The following CNTN1 variants were observed in gnomAD, a reference collection of about 807,000 sequenced individuals.
The protein encoded by CNTN1 is contactin-1.
CNTN1 carries 38 observed loss-of-function variants against 126.4 expected under a neutral mutation model. That is an observed-to-expected ratio of 0.30 (90% confidence interval 0.23 to 0.39). CNTN1 has a LOEUF of 0.39. Ranked by LOEUF, CNTN1 falls within the 10% of genes least tolerant of loss-of-function variation. CNTN1 has a pLI of 1.00. For missense variants in CNTN1, 1,009 were observed against 1,248.4 expected (o/e 0.81, Z 2.89); for synonymous variants, 413 against 422.6 (o/e 0.98, Z 0.28).
At chr12:40,894,988 A>C (rs1944358029) in intron 1 of CNTN1, among the ~76,000 whole-genome samples, 1 of 152,188 alleles carries the variant, frequency 6.6e-6, no homozygotes, top group East Asian at 1.9e-4. Context: ...TTCTTTAATA[A>C]ATTTCCATAT....
chr12:40,867,546 A>G (rs148783938), intron 1 of CNTN1, among the ~76,000 whole-genome samples: 80 of 152,342 alleles, frequency 5.3e-4, no homozygotes, highest in African/African-American at 1.9e-3. Flanking sequence ...TATATTAATT[A>G]GCTCAGTTGA....
At chr12:40,882,221 T>A (rs1032446898) in intron 1 of CNTN1, among the ~76,000 whole-genome samples, 2 of 151,776 alleles carry the variant, frequency 1.3e-5, no homozygotes, top group Non-Finnish European at 3.0e-5. Context: ...GGTAGGCATA[T>A]GGAATGATAT....
chr12:41,029,110 T>A lies in CNTN1; in HGVS notation c.2871T>A (p.Thr957=), dbSNP rs1479459280. 6.2e-7 allele frequency: 1 copy of A among 1,614,052 alleles called. No individual in the cohort carries two copies. Among genetic ancestry groups the A allele is most frequent in the Admixed American group, 1.7e-5 (1 of 60,000 alleles). Residue 957 remains threonine, a synonymous_variant, in exon 23 of 24, where the codon ACT becomes ACA. Transcript: ENST00000551295. The part of the protein sequence containing the change: ...DGQHDGKLYS[T]HKHSIEVPIP... ...AGCATGATGGCAAGCTGTATTCAACTCACAAACACTCCATAGAAGTCCCAA... is the reference window on the plus strand; with the variant it reads ...AGCATGATGGCAAGCTGTATTCAACACACAAACACTCCATAGAAGTCCCAA...
At chr12:41,041,894 GT>G (rs1166498812) in intron 23 of CNTN1, among the ~76,000 whole-genome samples, 3 of 151,978 alleles carry the variant, frequency 2.0e-5, no homozygotes, top group African/African-American at 7.3e-5. Context: ...TTTTTGAAGG[GT>G]TTTTTCTGTC....
chr12:41,058,076 A>G (rs1949864282), intron 23 of CNTN1, among the ~76,000 whole-genome samples: 2 of 152,094 alleles, frequency 1.3e-5, no homozygotes, highest in African/African-American at 4.8e-5. Context: ...AGAGGGAGAG[A>G]GAAGTGGTCC....
chr12:40,924,682 A>G (rs1299240594), intron 6 of CNTN1, 30 bp downstream of exon 6: 5 of 1,197,764 alleles, frequency 4.2e-6, no homozygotes, highest in Non-Finnish European at 6.2e-6. Flanking sequence ...GACTATTAGC[A>G]TCTATGAAAC....
At chr12:40,694,682 G>A (rs1267876125) in intron 1 of CNTN1, among the ~76,000 whole-genome samples, 1 of 152,148 alleles carries the variant, frequency 6.6e-6, no homozygotes, top group Non-Finnish European at 1.5e-5. Context: ...AACTTGCCAA[G>A]TCATTTTGAA....
At chr12:40,746,186 G>T (rs1312296459) in intron 1 of CNTN1, among the ~76,000 whole-genome samples, 1 of 152,032 alleles carries the variant, frequency 6.6e-6, no homozygotes, top group Non-Finnish European at 1.5e-5. Flanking sequence ...TTTTAAAAAA[G>T]ACCAAATATT....
At chr12:41,013,729 C>G (rs1266656320) in intron 17 of CNTN1, among the ~76,000 whole-genome samples, 4 of 152,206 alleles carry the variant, frequency 2.6e-5, no homozygotes, top group Admixed American at 1.3e-4. Flanking sequence ...TTTGGAGTCA[C>G]TGACGGCGCA....
chr12:40,880,504 T>C (rs950166271), intron 1 of CNTN1, among the ~76,000 whole-genome samples: 1 of 152,024 alleles, frequency 6.6e-6, no homozygotes, highest in Non-Finnish European at 1.5e-5. Flanking sequence ...TTAAATGATA[T>C]AGAAGTGAGA....
intron 12 of CNTN1, among the ~76,000 whole-genome samples, chr12:40,939,723 G>T (rs1055428677): frequency 6.6e-6 from 1 of 151,954 alleles, no homozygotes; most frequent in Non-Finnish European, 1.5e-5. Context: ...GAAGCTCAGA[G>T]GTGTTTTTTT....
At chr12:40,790,479 G>A (rs936470956) in intron 1 of CNTN1, among the ~76,000 whole-genome samples, 20 of 152,066 alleles carry the variant, frequency 1.3e-4, no homozygotes, top group African/African-American at 3.4e-4. Flanking sequence ...ATAGGCACTA[G>A]GAATTTTCTC....
chr12:40,952,624 G>C (rs77954103), intron 14 of CNTN1, among the ~76,000 whole-genome samples: 2,244 of 152,086 alleles, frequency 0.015, 63 homozygotes, highest in African/African-American at 0.052. Context: ...GCTAAAAATA[G>C]TACGTATCTC....
intron 1 of CNTN1, among the ~76,000 whole-genome samples, chr12:40,878,601 G>A (rs1943760308): frequency 6.6e-6 from 1 of 152,204 alleles, no homozygotes. Flanking sequence ...GAATGGGTGT[G>A]ATAGTCCATT....
In CNTN1 at chr12:41,020,521, A is replaced by G. The variant is rs1360344682; in HGVS notation, c.2523+81A>G. The G allele has an allele frequency of 6.9e-6, 6 of 871,144 alleles. No individual in the cohort carries two copies. The Admixed American group carries it at 1.2e-4, about 18-fold the overall frequency. 54.0% of individuals were successfully genotyped at this position (871,144 alleles called of 1,614,324 possible). A position where few individuals can be genotyped will look rare whatever the true frequency, so the allele number is the denominator to read the frequency against. The stretch of plus-strand genomic sequence containing the variant: ...GTTTTCAAATGTGTTGTATGTTTCA[A>G]TGTCCCATTAATTTATGTGGCAACT... On this transcript the variant is annotated intron_variant, in intron 20 of 23. Transcript: ENST00000551295.
At chr12:41,003,363 G>A (rs1179942753) in intron 17 of CNTN1, among the ~76,000 whole-genome samples, 1 of 151,932 alleles carries the variant, frequency 6.6e-6, no homozygotes, top group Non-Finnish European at 1.5e-5. Flanking sequence ...TTTTTTTGAG[G>A]ATTTTTTCGT....
chr12:40,939,188 G>T, intron 11 of CNTN1, 147 bp from the exon 12 acceptor site: 1 of 772,004 alleles, frequency 1.3e-6, no homozygotes, highest in Non-Finnish European at 2.1e-6. Context: ...ATTAGGTATA[G>T]AATGCCTATT....
At chr12:40,862,614 T>G (rs1407129185) in intron 1 of CNTN1, among the ~76,000 whole-genome samples, 1 of 152,204 alleles carries the variant, frequency 6.6e-6, no homozygotes, top group African/African-American at 2.4e-5. Context: ...AGAGGCGAGA[T>G]TCTTTGAAGC....
chr12:41,039,059 G>A (rs770673870), intron 23 of CNTN1, among the ~76,000 whole-genome samples: 2 of 152,164 alleles, frequency 1.3e-5, no homozygotes, highest in Non-Finnish European at 2.9e-5. Context: ...GCCATGAGGT[G>A]AATCTGAATC....
Sources: gnomAD v4.1 joint callset for allele counts (sites outside exome capture counted in the v4.1 genomes callset) on GRCh38, gnomAD v4.1.1 for gene constraint, MANE v1.5 for transcripts, NCBI Gene and HGNC (gene_info 2026-07-23, HGNC 2026-07-21) for gene names.